SDHB: variants seen among roughly 807,000 people sequenced by gnomAD.
The protein encoded by SDHB is succinate dehydrogenase complex iron sulfur subunit B, also known as succinate dehydrogenase [ubiquinone] iron-sulfur subunit, mitochondrial.
Under a neutral mutation model 39.7 loss-of-function variants are expected in SDHB, and 21 were observed. The ratio of observed to expected loss-of-function variants is 0.53; its 90% CI spans 0.37 to 0.76. The LOEUF (loss-of-function observed/expected upper bound fraction) is 0.76. Ranked by LOEUF, SDHB falls within the 30% of genes least tolerant of loss-of-function variation. The probability of loss-of-function intolerance (pLI) is 0.00; values close to 1 mark genes in which losing one functional copy is unlikely to be tolerated. For missense variants in SDHB, 343 were observed against 350.9 expected (o/e 0.98, Z 0.18); for synonymous variants, 118 against 117.0 (o/e 1.01, Z -0.06).
At chr1:17,027,020 AG>A (rs2077994760) in intron 5 of SDHB, among the ~76,000 whole-genome samples, 1 of 152,250 alleles carries the variant, frequency 6.6e-6, no homozygotes, top group African/African-American at 2.4e-5. Context: ...GGATCCAGAA[AG>A]GAAGAAGACA....
intron 1 of SDHB, among the ~76,000 whole-genome samples, chr1:17,048,683 T>C (rs1158272971): frequency 1.3e-5 from 2 of 152,164 alleles, no homozygotes; most frequent in Admixed American, 6.5e-5. Flanking sequence ...TGGACACTTT[T>C]ATTTTTCATT....
At chr1:17,049,680 G>A (rs1326017180) in intron 1 of SDHB, among the ~76,000 whole-genome samples, 1 of 29,658 alleles carries the variant, frequency 3.4e-5, no homozygotes, top group Non-Finnish European at 4.9e-5. Flanking sequence ...TTTTTTTTGT[G>A]AGACAGTCTC....
At chr1:17,052,863 C>A (rs796864093) in intron 1 of SDHB, among the ~76,000 whole-genome samples, 1 of 152,176 alleles carries the variant, frequency 6.6e-6, no homozygotes, top group African/African-American at 2.4e-5. Context: ...TTCTTGGACA[C>A]CAACCATGTC....
chr1:17,033,551 C>T (rs928359576), intron 2 of SDHB, among the ~76,000 whole-genome samples: 3 of 152,120 alleles, frequency 2.0e-5, no homozygotes, highest in African/African-American at 7.2e-5. Context: ...TAAGAGAAGA[C>T]ATAGTACAGA....
At chr1:17,029,274 T>C (rs1442476684) in intron 3 of SDHB, among the ~76,000 whole-genome samples, 2 of 151,004 alleles carry the variant, frequency 1.3e-5, no homozygotes, top group Non-Finnish European at 3.0e-5. Flanking sequence ...CCCAGCTAAT[T>C]TTCTGGTATT....
chr1:17,044,705 C>T, intron 2 of SDHB, 56 bp downstream of exon 2: 1 of 1,584,688 alleles, frequency 6.3e-7, no homozygotes, highest in South Asian at 1.1e-5. Flanking sequence ...AAAAGCATGT[C>T]CCTAAATCAA....
Position 17,053,989 on chromosome 1 carries a change from G to C in SDHB, c.31C>G (p.Arg11Gly). ...CCAAGGGTTGTGGCCGGCAACCGGC[G>C]CCTCAAGGAGAGGGCGACCACCGCC... is the stretch of plus-strand genomic sequence containing the variant. MAAVVALSLR[R>G]RLPATTLGGA... The change falls in exon 1 of 8, where the codon CGC (arginine) becomes GGC (glycine). Residue 11 changes from arginine (R) to glycine (G), a missense_variant. By Grantham distance (125) the Arg-to-Gly change is moderately radical. Transcript: ENST00000375499. 1 of 1,612,818 alleles carries C rather than the reference G, an allele frequency of 6.2e-7. No homozygotes were observed. Among genetic ancestry groups the C allele is most frequent in the Non-Finnish European group, 8.5e-7 (1 of 1,179,620 alleles).
At chr1:17,045,013 A>G (rs1187210303) in intron 1 of SDHB, 125 bp from the exon 2 acceptor site, 2 of 852,654 alleles carry the variant, frequency 2.3e-6, no homozygotes, top group African/African-American at 3.4e-5. Flanking sequence ...TAATCTTCTT[A>G]GAAAAGGCAG....
intron 7 of SDHB, among the ~76,000 whole-genome samples, chr1:17,020,244 A>G (rs1047468990): frequency 6.6e-6 from 1 of 152,124 alleles, no homozygotes. Context: ...TACATACCCA[A>G]TCCATGCAGG....
At chr1:17,047,266 G>C (rs1209224365) in intron 1 of SDHB, among the ~76,000 whole-genome samples, 1 of 152,070 alleles carries the variant, frequency 6.6e-6, no homozygotes, top group Non-Finnish European at 1.5e-5. Flanking sequence ...AGAGGCAGGA[G>C]AATCGCTTGA....
At chr1:17,035,095 A>G (rs777926103) in intron 2 of SDHB, among the ~76,000 whole-genome samples, 1 of 152,080 alleles carries the variant, frequency 6.6e-6, no homozygotes, top group African/African-American at 2.4e-5. Flanking sequence ...ATCTGTTGCC[A>G]TTTCTGCTTC....
At chr1:17,051,065 A>C (rs2078144379) in intron 1 of SDHB, among the ~76,000 whole-genome samples, 1 of 152,240 alleles carries the variant, frequency 6.6e-6, no homozygotes, top group Non-Finnish European at 1.5e-5. Flanking sequence ...TGAAAACGCA[A>C]ACATAAAACG....
intron 2 of SDHB, among the ~76,000 whole-genome samples, chr1:17,035,642 C>G (rs1425635028): frequency 6.6e-6 from 1 of 152,062 alleles, no homozygotes; most frequent in East Asian, 1.9e-4. Flanking sequence ...GCGGGTGGAT[C>G]ATGAGGTCAG....
At chr1:17,022,568 C>A (rs756329877) in intron 7 of SDHB, 40 bp downstream of exon 7, 1 of 1,611,958 alleles carries the variant, frequency 6.2e-7, no homozygotes, top group South Asian at 1.1e-5. Context: ...TCTGGCGTGT[C>A]AGCTCTGAGG....
intron 1 of SDHB, among the ~76,000 whole-genome samples, chr1:17,049,388 C>G (rs970933452): frequency 1.3e-5 from 2 of 151,996 alleles, no homozygotes; most frequent in African/African-American, 4.8e-5. Flanking sequence ...ACCTCCACCC[C>G]TCAGGCTCAT....
At chr1:17,022,199 A>G (rs564404427) in intron 7 of SDHB, among the ~76,000 whole-genome samples, 1 of 152,372 alleles carries the variant, frequency 6.6e-6, no homozygotes, top group African/African-American at 2.4e-5. Context: ...AGCCGAAGGA[A>G]AGAACAGGCT....
intron 7 of SDHB, among the ~76,000 whole-genome samples, chr1:17,021,674 G>A (rs916559458): frequency 6.6e-6 from 1 of 151,976 alleles, no homozygotes; most frequent in Non-Finnish European, 1.5e-5. Flanking sequence ...GAACCTGGGA[G>A]GCGGAGGTTG....
At chr1:17,029,070 G>C (rs992625509) in intron 3 of SDHB, among the ~76,000 whole-genome samples, 18 of 129,810 alleles carry the variant, frequency 1.4e-4, no homozygotes, top group Non-Finnish European at 2.4e-4. Flanking sequence ...CATGTGTCAC[G>C]TGTTTTGAAG....
chr1:17,025,820 T>C (rs945161231), intron 5 of SDHB, among the ~76,000 whole-genome samples: 1 of 152,238 alleles, frequency 6.6e-6, no homozygotes, highest in Non-Finnish European at 1.5e-5. Context: ...TAAATTTCTA[T>C]TACAGGTTGG....
Sources: allele counts gnomAD v4.1 joint callset (sites outside exome capture counted in the v4.1 genomes callset), GRCh38; gene constraint gnomAD v4.1.1; transcripts MANE v1.5; gene names NCBI Gene and HGNC (gene_info 2026-07-23, HGNC 2026-07-21).